The following KCNMA1 variants were observed in gnomAD, a reference collection of about 807,000 sequenced individuals.
KCNMA1 encodes the protein Calcium-activated potassium channel subunit alpha-1.
KCNMA1 carries 29 observed loss-of-function variants against 140.0 expected under a neutral mutation model. That is an observed-to-expected ratio of 0.21 (90% CI 0.15 to 0.28). The LOEUF (loss-of-function observed/expected upper bound fraction) is 0.28, where lower values mean the gene tolerates loss of function less well. Among genes scored for constraint, KCNMA1 ranks in the 10% least tolerant of loss-of-function variants. The pLI, the probability that KCNMA1 is intolerant of heterozygous loss-of-function variation, is 1.00. For missense variants in KCNMA1, 880 were observed against 1,602.2 expected (o/e 0.55, Z 7.70); for synonymous variants, 612 against 611.9 (o/e 1.00, Z 0.00).
intron 1 of KCNMA1, among the ~76,000 whole-genome samples, chr10:77,485,058 C>T (rs1202562557): frequency 6.6e-6 from 1 of 152,188 alleles, no homozygotes; most frequent in African/African-American, 2.4e-5. Flanking sequence ...CTCACTCTCT[C>T]CTTCTTCTGA....
chr10:77,620,876 T>C (rs2091149104), intron 1 of KCNMA1, among the ~76,000 whole-genome samples: 1 of 152,234 alleles, frequency 6.6e-6, no homozygotes, highest in African/African-American at 2.4e-5. Context: ...GGCTGTGCAC[T>C]GCACAACTCC....
At chr10:77,610,899 T>C (rs2086601734) in intron 1 of KCNMA1, among the ~76,000 whole-genome samples, 1 of 152,230 alleles carries the variant, frequency 6.6e-6, no homozygotes, top group Non-Finnish European at 1.5e-5. Context: ...AAAAAAGCAC[T>C]TATTGAAAAA....
chr10:77,192,151 C>T (rs1042653879), intron 3 of KCNMA1, among the ~76,000 whole-genome samples: 1 of 152,034 alleles, frequency 6.6e-6, no homozygotes, highest in Non-Finnish European at 1.5e-5. Context: ...AATAATTATT[C>T]CTAAGAGTAA....
chr10:77,584,246 T>C (rs1462589487), intron 1 of KCNMA1, among the ~76,000 whole-genome samples: 2 of 152,280 alleles, frequency 1.3e-5, no homozygotes, highest in Admixed American at 6.5e-5. Context: ...TACCCACTCG[T>C]CCTCCCCTAG....
Position 77,136,147 on chromosome 10 carries a change from G to A in KCNMA1, c.809-15099C>T, listed in dbSNP as rs142395359. Among the ~76,000 whole-genome samples, 87 of 152,190 alleles carry A rather than the reference G, an allele frequency of 5.7e-4. 1 individual carries two copies. The highest frequency in any genetic ancestry group is 3.4e-3 in the Middle Eastern group (1 of 294). On this transcript the variant is annotated intron_variant, in intron 5 of 27. Transcript: ENST00000286628. ...TTAATCAAAGTAATTCCATTTCTGG[G>A]AATATAGCCTAAGAAAATATAACAA... is the stretch of plus-strand genomic sequence containing the variant.
chr10:77,074,697 C>T (rs755035832), intron 13 of KCNMA1, among the ~76,000 whole-genome samples: 47 of 152,266 alleles, frequency 3.1e-4, no homozygotes, highest in Admixed American at 1.7e-3. Context: ...GTCTACCAAA[C>T]GGAGAAGGTT....
At chr10:77,213,381 C>T (rs1173333911) in intron 3 of KCNMA1, among the ~76,000 whole-genome samples, 4 of 152,106 alleles carry the variant, frequency 2.6e-5, no homozygotes, top group Admixed American at 2.6e-4. Flanking sequence ...AAGGAAGGTC[C>T]TCATGAGGGC....
At chr10:76,945,806 TAA>T (rs34276840) in intron 22 of KCNMA1, among the ~76,000 whole-genome samples, 11 of 149,702 alleles carry the variant, frequency 7.3e-5, no homozygotes, top group South Asian at 2.1e-4. Context: ...TTCATTTATG[TAA>T]AAAAAAAAAC....
At chr10:76,949,905 C>T (rs1455693705) in intron 21 of KCNMA1, among the ~76,000 whole-genome samples, 1 of 151,996 alleles carries the variant, frequency 6.6e-6, no homozygotes, top group Non-Finnish European at 1.5e-5. Context: ...TACCTAAAGC[C>T]AGGAGTGGAA....
intron 2 of KCNMA1, among the ~76,000 whole-genome samples, chr10:77,392,352 T>C (rs1013218758): frequency 1.4e-4 from 22 of 151,992 alleles, no homozygotes; most frequent in African/African-American, 5.1e-4. Flanking sequence ...TACTCACATA[T>C]TTGCCCAGGC....
chr10:77,169,671 C>T (rs1441038692), intron 5 of KCNMA1, among the ~76,000 whole-genome samples: 1 of 151,132 alleles, frequency 6.6e-6, no homozygotes, highest in African/African-American at 2.4e-5. Context: ...TGAGCCACCA[C>T]ACTCAGCCAA....
chr10:77,114,571 T>C (rs920753390), intron 6 of KCNMA1, among the ~76,000 whole-genome samples: 1 of 152,212 alleles, frequency 6.6e-6, no homozygotes, highest in East Asian at 1.9e-4. Context: ...ACTATAGCTA[T>C]TGTTTACACT....
chr10:77,256,916 C>T, intron 2 of KCNMA1, among the ~76,000 whole-genome samples: 1 of 152,026 alleles, frequency 6.6e-6, no homozygotes, highest in African/African-American at 2.4e-5. Context: ...CCAGCCTGGG[C>T]AACATAGAGA....
At chr10:77,195,410 T>C (rs948352625) in intron 3 of KCNMA1, among the ~76,000 whole-genome samples, 2 of 151,924 alleles carry the variant, frequency 1.3e-5, no homozygotes, top group Admixed American at 6.6e-5. Context: ...ACAGGATGAG[T>C]TACCTTTAAA....
downstream of KCNMA1, chr10:76,873,195 A>T (rs542976631): frequency 2.0e-5 from 3 of 152,348 alleles, no homozygotes; most frequent in East Asian, 1.9e-4. Flanking sequence ...AAATAAAATT[A>T]AAAATGTTTT....
chr10:77,404,937 A>G (rs991478400), intron 1 of KCNMA1, among the ~76,000 whole-genome samples: 2 of 152,240 alleles, frequency 1.3e-5, no homozygotes, highest in African/African-American at 2.4e-5. Flanking sequence ...AGAGAAAAGT[A>G]AAAGTAATAG....
intron 1 of KCNMA1, among the ~76,000 whole-genome samples, chr10:77,513,071 T>C (rs893797833): frequency 1.2e-4 from 18 of 152,294 alleles, no homozygotes; most frequent in Middle Eastern, 3.4e-3. Context: ...CTCCTCACCA[T>C]GGCCAACAAA....
chr10:77,167,113 T>C (rs1343068147), intron 5 of KCNMA1, among the ~76,000 whole-genome samples: 1 of 152,150 alleles, frequency 6.6e-6, no homozygotes, highest in African/African-American at 2.4e-5. Context: ...TCAACCTCTC[T>C]TCATCCTCCC....
intron 14 of KCNMA1, among the ~76,000 whole-genome samples, chr10:77,042,302 G>C (rs887169841): frequency 6.6e-6 from 1 of 151,922 alleles, no homozygotes; most frequent in African/African-American, 2.4e-5. Flanking sequence ...AATTTTTTTC[G>C]AATAAAAGAT....
Sources: gnomAD v4.1 joint callset for allele counts (sites outside exome capture counted in the v4.1 genomes callset) on GRCh38, gnomAD v4.1.1 for gene constraint, MANE v1.5 for transcripts, NCBI Gene and HGNC (gene_info 2026-07-23, HGNC 2026-07-21) for gene names.